TLK1: variants seen among roughly 807,000 people sequenced by gnomAD.
TLK1 encodes the protein serine/threonine-protein kinase tousled-like 1.
In TLK1, 24 loss-of-function variants were observed where a neutral mutation model predicts 105.3. The ratio of observed to expected loss-of-function variants is 0.23; its 90% CI spans 0.17 to 0.32. The LOEUF is 0.32. TLK1 is among the 10% of genes least tolerant of loss of function. The pLI, the probability that TLK1 is intolerant of heterozygous loss-of-function variation, is 1.00. For synonymous variants in TLK1, 321 were observed against 310.4 expected (o/e 1.03, Z -0.36); for missense variants, 558 against 910.5 (o/e 0.61, Z 4.98).
rs1686603013 is a variant in TLK1 at position 171,040,372 on chromosome 2, C to T, written c.1169+5802G>A. ...GTGTCTATGCAGGTAACATATGTGC[C>T]ACTGTGGTGTGGGATGTTGACAGTA... is the stretch of plus-strand genomic sequence containing the variant. On this transcript the variant is annotated intron_variant, in intron 11 of 20. Transcript: ENST00000431350. Among the ~76,000 whole-genome samples the T allele has an allele frequency of 3.9e-5, 6 of 152,144 alleles. No individual in the cohort carries two copies. The South Asian group carries it at 8.3e-4, about 21-fold the overall frequency.
chr2:171,101,552 G>A (rs1007932565), intron 2 of TLK1, among the ~76,000 whole-genome samples: 2 of 152,074 alleles, frequency 1.3e-5, no homozygotes, highest in African/African-American at 4.8e-5. Flanking sequence ...TTTAGAGTTC[G>A]ACAGTGGTAA....
chr2:171,133,706 G>A (rs1030228569), intron 1 of TLK1, among the ~76,000 whole-genome samples: 7 of 151,750 alleles, frequency 4.6e-5, no homozygotes, highest in Admixed American at 2.6e-4. Flanking sequence ...ATGAATACAG[G>A]TTGAGTATCC....
chr2:171,108,185 T>C (rs1360299455), intron 2 of TLK1, among the ~76,000 whole-genome samples: 1 of 152,108 alleles, frequency 6.6e-6, no homozygotes, highest in African/African-American at 2.4e-5. Flanking sequence ...CTTTTAAATC[T>C]AGATGAAGAA....
At chr2:170,994,105 G>C (rs1683933310) in intron 20 of TLK1, 149 bp from the exon 21 acceptor site, 1 of 872,472 alleles carries the variant, frequency 1.1e-6, no homozygotes, top group Non-Finnish European at 1.6e-6. Flanking sequence ...AAATTCTGTA[G>C]CTAGAAAATT....
chr2:171,021,806 T>C (rs1028019051), intron 12 of TLK1, among the ~76,000 whole-genome samples: 1 of 152,088 alleles, frequency 6.6e-6, no homozygotes, highest in Non-Finnish European at 1.5e-5. Context: ...AGGATTAATA[T>C]TAAACACTGT....
chr2:171,061,044 G>A, intron 4 of TLK1, 37 bp downstream of exon 4: 1 of 1,560,562 alleles, frequency 6.4e-7, no homozygotes, highest in East Asian at 2.3e-5. Flanking sequence ...AATTTTAAGT[G>A]TCCACTAGGC....
intron 18 of TLK1, among the ~76,000 whole-genome samples, chr2:171,002,504 G>C (rs1274999085): frequency 1.3e-5 from 2 of 152,016 alleles, no homozygotes; most frequent in East Asian, 3.9e-4. Context: ...TCAATCTCCT[G>C]ACCTCGTGAT....
At chr2:171,167,804 C>G (rs533424367) in intron 1 of TLK1, among the ~76,000 whole-genome samples, 1 of 152,194 alleles carries the variant, frequency 6.6e-6, no homozygotes, top group African/African-American at 2.4e-5. Flanking sequence ...ATCCCCTCCC[C>G]CAAAGTGCAC....
chr2:171,055,363 C>T (rs1035758041), intron 6 of TLK1, among the ~76,000 whole-genome samples, 191 bp from the exon 7 acceptor site: 2 of 151,742 alleles, frequency 1.3e-5, no homozygotes, highest in African/African-American at 4.8e-5. Context: ...TCATTAAGTA[C>T]CTCCTACATA....
At chr2:171,115,899 G>A (rs1365405782) in intron 2 of TLK1, among the ~76,000 whole-genome samples, 3 of 152,124 alleles carry the variant, frequency 2.0e-5, no homozygotes, top group Admixed American at 6.6e-5. Context: ...TTATGTTTGT[G>A]AGCCAAAATT....
At chr2:171,036,608 G>T (rs937592378) in intron 11 of TLK1, among the ~76,000 whole-genome samples, 1 of 152,036 alleles carries the variant, frequency 6.6e-6, no homozygotes, top group Non-Finnish European at 1.5e-5. Context: ...TTTTTGTTTT[G>T]AACAGAAATG....
chr2:171,145,597 AAAAAAC>A (rs760685644), intron 1 of TLK1, among the ~76,000 whole-genome samples: 19 of 151,728 alleles, frequency 1.3e-4, no homozygotes, highest in Non-Finnish European at 2.2e-4. Flanking sequence ...CTCAAAAAAA[AAAAAAC>A]AAAAAACAAA....
intron 3 of TLK1, among the ~76,000 whole-genome samples, chr2:171,065,779 C>G (rs776714247): frequency 2.6e-5 from 4 of 152,170 alleles, no homozygotes; most frequent in Non-Finnish European, 4.4e-5. Context: ...CCTAGTGATC[C>G]GCCCATCTTG....
chr2:171,202,544 G>T (rs954399811), intron 1 of TLK1, among the ~76,000 whole-genome samples: 1 of 152,130 alleles, frequency 6.6e-6, no homozygotes, highest in Middle Eastern at 3.4e-3. Context: ...AGAACACGAG[G>T]TCAGGAGTTC....
rs149527951 is a variant in TLK1, at chr2:171,095,600, A to C, written c.259-12748T>G. ...ATCCTCAACAAAACACTAGCAAACCAAATTCAACACCACATTAACAGGATC... is the reference window on the plus strand; with the variant it reads ...ATCCTCAACAAAACACTAGCAAACCCAATTCAACACCACATTAACAGGATC... On this transcript the variant is annotated intron_variant, in intron 2 of 20. Coordinates refer to ENST00000431350, the MANE Select transcript of TLK1 (RefSeq NM_012290.5). 4.1e-3 allele frequency among the ~76,000 whole-genome samples: 625 copies of C among 152,320 alleles called. 3 individuals are homozygous for C. The highest frequency in any genetic ancestry group is 0.014 in the African/African-American group (579 of 41,574).
At chr2:171,050,446 A>G (rs1421313705) in intron 8 of TLK1, among the ~76,000 whole-genome samples, 1 of 152,160 alleles carries the variant, frequency 6.6e-6, no homozygotes, top group Non-Finnish European at 1.5e-5. Context: ...CTAAGTTATA[A>G]GAACTTTAGT....
chr2:171,079,566 G>A (rs942362742), intron 3 of TLK1, among the ~76,000 whole-genome samples: 1 of 152,134 alleles, frequency 6.6e-6, no homozygotes, highest in African/African-American at 2.4e-5. Flanking sequence ...CCTGCTGAAT[G>A]GACCAGGAGT....
intron 11 of TLK1, among the ~76,000 whole-genome samples, chr2:171,028,829 A>G (rs1403357779): frequency 2.0e-5 from 3 of 152,232 alleles, no homozygotes; most frequent in Admixed American, 6.5e-5. Context: ...CAAGCATAAA[A>G]AAAACCACGT....
At chr2:171,198,426 C>T (rs528652170) in intron 1 of TLK1, among the ~76,000 whole-genome samples, 1 of 152,144 alleles carries the variant, frequency 6.6e-6, no homozygotes, top group East Asian at 1.9e-4. Flanking sequence ...AAAATATTTG[C>T]GTCTTATGGA....
Sources: allele counts gnomAD v4.1 joint callset (sites outside exome capture counted in the v4.1 genomes callset), GRCh38; gene constraint gnomAD v4.1.1; transcripts MANE v1.5; gene names NCBI Gene and HGNC (gene_info 2026-07-23, HGNC 2026-07-21).